Variants in CFAP92 observed in about 807,000 individuals in gnomAD.
CFAP92 encodes the protein uncharacterized protein CFAP92.
In CFAP92, 86 loss-of-function variants were observed where a neutral mutation model predicts 106.3. That is an observed-to-expected ratio of 0.81 (90% CI 0.68 to 0.97). The LOEUF is 0.97. Ranked by LOEUF, CFAP92 falls within the 50% of genes least tolerant of loss-of-function variation. The pLI is 0.00. For synonymous variants in CFAP92, 477 were observed against 506.4 expected (o/e 0.94, Z 0.78); for missense variants, 1,204 against 1,283.8 (o/e 0.94, Z 0.95).
rs1184684089 is a variant in CFAP92 at position 128,993,542 on chromosome 3, AG to A, written c.-32-207del. ...TGAATGGATGAAGGAACAACAGATAAGGGTGGCTGGCAGTAAGCACGACGAC... is the reference window on the plus strand; with the variant it reads ...TGAATGGATGAAGGAACAACAGATAAGGTGGCTGGCAGTAAGCACGACGAC... On this transcript the variant is annotated intron_variant, in intron 1 of 15. Transcript: ENST00000645291. The A allele has an allele frequency of 2.8e-5, 16 of 578,922 alleles. No homozygotes were observed. The Admixed American group carries it at 3.0e-4, about 11-fold the overall frequency. The allele number at this position is 578,922 out of a possible 1,614,324, so 35.9% of individuals were successfully genotyped here. A position where few individuals can be genotyped will look rare whatever the true frequency, so the allele number is the denominator to read the frequency against.
intron 15 of CFAP92, chr3:128,910,735 TGGC>T (rs1303050551): frequency 1.2e-6 from 2 of 1,614,242 alleles, no homozygotes; most frequent in South Asian, 2.2e-5. Flanking sequence ...TCCTCGGTTC[TGGC>T]AGGTTCTCTT....
chr3:128,926,866 C>G (rs781264252), intron 12 of CFAP92, among the ~76,000 whole-genome samples: 1 of 152,034 alleles, frequency 6.6e-6, no homozygotes, highest in African/African-American at 2.4e-5. Context: ...TAGGCTGAGG[C>G]GGGCAGATCA....
At chr3:129,002,176 G>A in intron 1 of CFAP92, 1 of 1,479,526 alleles carries the variant, frequency 6.8e-7, no homozygotes, top group Non-Finnish European at 8.9e-7. Context: ...CGCCGCCGCC[G>A]CCGCCCGCCC....
the CFAP92 span, among the ~76,000 whole-genome samples, chr3:129,010,061 G>A: frequency 1.2e-4 from 19 of 152,242 alleles, no homozygotes; most frequent in Non-Finnish European, 2.4e-4. The surrounding 1 kb of genome is among the most constrained non-coding windows in gnomAD (Gnocchi z 4.3). Context: ...GTGGACACAC[G>A]AATGGACCAG....
At chr3:128,925,578 A>G (rs1341962240) in intron 12 of CFAP92, among the ~76,000 whole-genome samples, 2 of 152,198 alleles carry the variant, frequency 1.3e-5, no homozygotes, top group Non-Finnish European at 2.9e-5. Flanking sequence ...GATCATGGTG[A>G]AAATATCTAA....
intron 9 of CFAP92, among the ~76,000 whole-genome samples, chr3:128,956,195 A>T (rs1180218227): frequency 1.0e-5 from 1 of 95,368 alleles, no homozygotes; most frequent in Middle Eastern, 4.3e-3. Flanking sequence ...AAAAAAAAAA[A>T]TAAAAAAAAA....
chr3:128,911,284 C>T (rs765553179), intron 15 of CFAP92, among the ~76,000 whole-genome samples: 4 of 152,160 alleles, frequency 2.6e-5, no homozygotes, highest in Non-Finnish European at 5.9e-5. Context: ...TCTCCAACTC[C>T]TGACCTCAGG....
intron 9 of CFAP92, among the ~76,000 whole-genome samples, chr3:128,964,584 T>C (rs1291040202): frequency 1.3e-5 from 2 of 152,340 alleles, no homozygotes; most frequent in African/African-American, 2.4e-5. Context: ...GGCAGGACTA[T>C]GCTGAATCTC....
chr3:128,992,950 G>T lies in CFAP92; in HGVS notation c.262+93C>A, dbSNP rs1027132077. 5.2e-5 allele frequency: 76 copies of T among 1,452,872 alleles called. 1 individual carries two copies. In the East Asian group the frequency reaches 1.7e-3, roughly 32 times the overall value. The allele number at this position is 1,452,872 out of a possible 1,614,324, so 90.0% of individuals were successfully genotyped here. A position where few individuals can be genotyped will look rare whatever the true frequency, so the allele number is the denominator to read the frequency against. ...CCCGCTTTGGGGTGGGGCAGGTGGA[G>T]AGAGGATGTGGGGTGTATGCGCCCT... On this transcript the variant is annotated intron_variant, in intron 2 of 15. Coordinates refer to ENST00000645291, the MANE Select transcript of CFAP92 (RefSeq NM_001394090.1).
At chr3:128,915,070 C>T in intron 15 of CFAP92, 49 bp downstream of exon 15, 2 of 1,516,778 alleles carry the variant, frequency 1.3e-6, no homozygotes, top group Non-Finnish European at 1.8e-6. Flanking sequence ...AGAGCTCCTG[C>T]CTGCCCACGG....
intron 8 of CFAP92, chr3:128,969,085 G>C (rs752086237): frequency 6.6e-6 from 1 of 151,812 alleles, no homozygotes; most frequent in East Asian, 1.9e-4. Flanking sequence ...ACTTAAGAAG[G>C]TTCTTTATAA....
At position 128,962,214 on chromosome 3, in the gene CFAP92, G is replaced by A. The variant is rs906215729; in HGVS notation, c.1353+3297C>T. Among the ~76,000 whole-genome samples, 20 of 152,210 alleles carry A rather than the reference G, an allele frequency of 1.3e-4. 1 individual carries two copies. In the South Asian group the frequency reaches 2.1e-3, roughly 16 times the overall value. On this transcript the variant is annotated intron_variant, in intron 9 of 15. Transcript: ENST00000645291. Reference sequence around the variant, plus strand: ...CCTCGGAAGCCCCATAGACCATCACGGACGCCGAGCTTCCGGTAACTCTCA... The same window carrying A: ...CCTCGGAAGCCCCATAGACCATCACAGACGCCGAGCTTCCGGTAACTCTCA...
At chr3:128,991,629 G>T in intron 2 of CFAP92, 1 of 231,694 alleles carries the variant, frequency 4.3e-6, no homozygotes, top group Non-Finnish European at 7.3e-6. Context: ...GTTTACAGGA[G>T]ACTATAAAAC....
intron 4 of CFAP92, among the ~76,000 whole-genome samples, chr3:128,983,700 G>C (rs1246601068): frequency 6.6e-6 from 1 of 152,256 alleles, no homozygotes; most frequent in Non-Finnish European, 1.5e-5. Flanking sequence ...AAGAGATGAG[G>C]CTGGGAGCCG....
chr3:128,920,444 A>T (rs1273137692), intron 12 of CFAP92, among the ~76,000 whole-genome samples: 1 of 152,222 alleles, frequency 6.6e-6, no homozygotes, highest in African/African-American at 2.4e-5. Flanking sequence ...ATCAAAATAA[A>T]TGAAAATGAG....
chr3:128,927,740 AT>A (rs1559859378), intron 12 of CFAP92, among the ~76,000 whole-genome samples: 1 of 151,210 alleles, frequency 6.6e-6, no homozygotes, highest in African/African-American at 2.4e-5. Flanking sequence ...AAAAAAAAAA[AT>A]TAATTCTATT....
In CFAP92 at chr3:128,935,193, C is replaced by T. The variant is rs1559869312; in HGVS notation, c.2385G>A (p.Leu795=). The change falls in exon 11 of 16, where the codon CTG becomes CTA. Residue 795 remains leucine, a synonymous_variant. Transcript: ENST00000645291. ...GGAAGAACACCGCCTGCTGCAGCAGCAGCTCCGTGGGCTGGAAGAGGTGCA... is the reference window on the plus strand; with the variant it reads ...GGAAGAACACCGCCTGCTGCAGCAGTAGCTCCGTGGGCTGGAAGAGGTGCA... ...YHVHLFQPTE[L]LLQQAVFFLR... 2.0e-6 allele frequency: 3 copies of T among 1,535,958 alleles called. No homozygotes were observed. The highest frequency in any genetic ancestry group is 2.6e-6 in the Non-Finnish European group (3 of 1,146,836).
At position 128,912,732 on chromosome 3, in the gene CFAP92, C is replaced by T. The variant is rs771161833; in HGVS notation, c.3280+2387G>A. On this transcript the variant is annotated intron_variant, in intron 15 of 15. Coordinates refer to ENST00000645291, the MANE Select transcript of CFAP92 (RefSeq NM_001394090.1). ...TTAAGCCTTTTGTTCCCCGTCTGCA[C>T]CTGAAGGGTTGTCGCCTGGCCTGGG... The T allele has an allele frequency of 7.5e-6, 7 of 935,980 alleles. No individual in the cohort carries two copies. The Admixed American group carries it at 1.0e-4, about 14-fold the overall frequency. 58.0% of individuals were successfully genotyped at this position (935,980 alleles called of 1,614,324 possible). A position where few individuals can be genotyped will look rare whatever the true frequency, so the allele number is the denominator to read the frequency against.
At chr3:128,929,196 G>A (rs768297183) in intron 12 of CFAP92, among the ~76,000 whole-genome samples, 6 of 152,168 alleles carry the variant, frequency 3.9e-5, no homozygotes, top group Non-Finnish European at 7.3e-5. Context: ...AGCATCGTCA[G>A]TCATTATAAA....
Sources: gnomAD v4.1 joint callset for allele counts (sites outside exome capture counted in the v4.1 genomes callset) on GRCh38, gnomAD v4.1.1 for gene constraint, Gnocchi (gnomAD v3.1) non-coding constraint, MANE v1.5 for transcripts, NCBI Gene and HGNC (gene_info 2026-07-23, HGNC 2026-07-21) for gene names.